SAMSN1: variants seen among roughly 807,000 people sequenced by gnomAD.
SAMSN1 encodes the protein SAM domain-containing protein SAMSN-1.
Under a neutral mutation model 42.0 loss-of-function variants are expected in SAMSN1, and 31 were observed. The ratio of observed to expected loss-of-function variants is 0.74; its 90% confidence interval spans 0.55 to 1.00. The LOEUF is 1.00. Among genes scored for constraint, SAMSN1 ranks in the 50% least tolerant of loss-of-function variants. The pLI is 0.00. For missense variants in SAMSN1, 464 were observed against 439.4 expected, an observed-to-expected ratio of 1.06 and a Z score of -0.50; for synonymous variants, 178 against 151.9, an observed-to-expected ratio of 1.17 and a Z score of -1.26.
chr21:14,597,136 C>A (rs10222129), intron 6 of SAMSN1, among the ~76,000 whole-genome samples: 9,890 of 151,864 alleles, frequency 0.065, 838 homozygotes, highest in African/African-American at 0.19. Flanking sequence ...TTTGTTTTCC[C>A]CCTTTTAGAT....
At chr21:14,650,832 G>C (rs1198751616) in intron 1 of SAMSN1, among the ~76,000 whole-genome samples, 1 of 151,678 alleles carries the variant, frequency 6.6e-6, no homozygotes, top group Non-Finnish European at 1.5e-5. Context: ...AATCAGAAAA[G>C]AAAAAGTAGA....
At chr21:14,521,049 G>T in intron 2 of SAMSN1, 101 bp downstream of exon 2, 1 of 724,116 alleles carries the variant, frequency 1.4e-6, no homozygotes, top group Non-Finnish European at 2.3e-6. Context: ...ATTTTAAAAT[G>T]TATTCATTTT....
chr21:14,605,585 G>A (rs185424051), intron 5 of SAMSN1, among the ~76,000 whole-genome samples: 1,556 of 152,146 alleles, frequency 0.01, 30 homozygotes, highest in African/African-American at 0.036. Context: ...GACCAACAAA[G>A]AAAAATAATT....
intron 2 of SAMSN1, among the ~76,000 whole-genome samples, chr21:14,576,360 T>C (rs959597435): frequency 2.6e-5 from 4 of 152,058 alleles, no homozygotes; most frequent in Non-Finnish European, 4.4e-5. Flanking sequence ...AGGGAGAGAA[T>C]AGAGAGACAA....
intron 7 of SAMSN1, chr21:14,591,395 G>T (rs1982079439): frequency 6.6e-6 from 1 of 152,168 alleles, no homozygotes; most frequent in African/African-American, 2.4e-5. Flanking sequence ...GTGTCTGCCT[G>T]TGATGCACAT....
At chr21:14,532,150 C>T (rs1979307040) in intron 1 of SAMSN1, among the ~76,000 whole-genome samples, 1 of 152,148 alleles carries the variant, frequency 6.6e-6, no homozygotes, top group African/African-American at 2.4e-5. Flanking sequence ...CATATGTCAG[C>T]TCAGCAGAGC....
intron 6 of SAMSN1, among the ~76,000 whole-genome samples, chr21:14,595,444 CCTAAGGTA>C (rs1268805997): frequency 6.6e-6 from 1 of 151,982 alleles, no homozygotes; most frequent in East Asian, 1.9e-4. Flanking sequence ...AATTACCCAG[CCTAAGGTA>C]CTTTGCTATA....
At chr21:14,529,164 T>G (rs1341068871) in intron 1 of SAMSN1, among the ~76,000 whole-genome samples, 1 of 152,362 alleles carries the variant, frequency 6.6e-6, no homozygotes, top group African/African-American at 2.4e-5. Flanking sequence ...TCCTACTGTT[T>G]TTTATTCAAG....
At chr21:14,555,007 T>C (rs1177442638) in intron 2 of SAMSN1, among the ~76,000 whole-genome samples, 1 of 152,158 alleles carries the variant, frequency 6.6e-6, no homozygotes, top group African/African-American at 2.4e-5. Flanking sequence ...AAGGAAACTT[T>C]TTCATCAGAA....
intron 5 of SAMSN1, among the ~76,000 whole-genome samples, chr21:14,606,464 A>T (rs1307770551): frequency 6.6e-6 from 1 of 152,116 alleles, no homozygotes; most frequent in African/African-American, 2.4e-5. Flanking sequence ...ATCTTAGGTA[A>T]ACTCCAATTC....
intron 1 of SAMSN1, among the ~76,000 whole-genome samples, chr21:14,645,213 C>T (rs971160124): frequency 5.3e-5 from 8 of 152,216 alleles, no homozygotes; most frequent in East Asian, 1.9e-4. Flanking sequence ...GGGCAAGACC[C>T]AGTGTTGTGC....
rs1983454887 is a variant in SAMSN1 at position 14,635,847 on chromosome 21, T to G, written c.156+7155A>C. ...TTTATTATTATTATTATTATTATAC[T>G]TCAAGTTCTAGGGTACATGTGCACA... On this transcript the variant is annotated intron_variant, in intron 2 of 15. Transcript: ENST00000647101. 2.0e-5 allele frequency among the ~76,000 whole-genome samples: 3 copies of G among 152,048 alleles called. No individual in the cohort carries two copies. The South Asian group carries it at 6.2e-4, about 32-fold the overall frequency.
chr21:14,485,994 G>C lies in SAMSN1; in HGVS notation c.1040C>G (p.Ser347Ter). The stretch of plus-strand genomic sequence containing the variant: ...CTCCAGATCCTCTTTGCCATTATCT[G>C]AATTTCCTGATGAGATATAGCAACC... ...DSGCYISSGNSDNGKEDLESE... is the reference protein window; with the variant it reads ...DSGCYISSGN The change falls in exon 8 of 8, where the codon TCA (serine) becomes TGA (stop). Residue 347 changes from serine (S) to a stop codon, truncating the protein, a stop_gained. Transcript: ENST00000400566. LOFTEE classifies it high-confidence loss of function. 3 of 1,613,622 alleles carry C rather than the reference G, an allele frequency of 1.9e-6. No homozygotes were observed. Among genetic ancestry groups the C allele is most frequent in the Non-Finnish European group, 2.5e-6 (3 of 1,179,642 alleles).
At chr21:14,509,417 G>A (rs1987575117) in intron 5 of SAMSN1, among the ~76,000 whole-genome samples, 1 of 152,186 alleles carries the variant, frequency 6.6e-6, no homozygotes, top group South Asian at 2.1e-4. Context: ...GTGAGAAGGT[G>A]GTGAGGGATA....
At chr21:14,536,609 G>A (rs187785381) in intron 1 of SAMSN1, among the ~76,000 whole-genome samples, 1 of 152,294 alleles carries the variant, frequency 6.6e-6, no homozygotes, top group East Asian at 1.9e-4. Flanking sequence ...TTGGAGAGAA[G>A]TGGTCAAGGC....
chr21:14,614,474 TGG>T (rs1472445598), intron 3 of SAMSN1, among the ~76,000 whole-genome samples: 2 of 152,196 alleles, frequency 1.3e-5, no homozygotes, highest in African/African-American at 4.8e-5. Context: ...TTCATGTGTG[TGG>T]GTAAACACAC....
intron 2 of SAMSN1, among the ~76,000 whole-genome samples, chr21:14,627,016 C>T (rs1349840550): frequency 1.3e-5 from 2 of 152,064 alleles, no homozygotes; most frequent in African/African-American, 4.8e-5. Context: ...TCTCAGCTAA[C>T]TATCACAAAG....
chr21:14,496,961 A>G (rs1460364996), intron 7 of SAMSN1, among the ~76,000 whole-genome samples: 1 of 152,220 alleles, frequency 6.6e-6, no homozygotes, highest in Non-Finnish European at 1.5e-5. Flanking sequence ...TGTGGGACTT[A>G]TGAGAGAGAG....
At chr21:14,586,833 CT>C (rs1335267752), upstream of SAMSN1, among the ~76,000 whole-genome samples, 4 of 152,172 alleles carry the variant, frequency 2.6e-5, no homozygotes, top group Non-Finnish European at 4.4e-5. Flanking sequence ...TCACCTGAGA[CT>C]TGCATTGGAG....
Sources: allele counts gnomAD v4.1 joint callset (sites outside exome capture counted in the v4.1 genomes callset), GRCh38; gene constraint gnomAD v4.1.1; transcripts MANE v1.5; gene names NCBI Gene and HGNC (gene_info 2026-07-23, HGNC 2026-07-21).